Variants in NFYC observed in about 807,000 individuals in gnomAD.
The protein encoded by NFYC is nuclear transcription factor Y subunit gamma.
Under a neutral mutation model 53.1 loss-of-function variants are expected in NFYC, and 25 were observed. The ratio of observed to expected loss-of-function variants is 0.47; its 90% CI spans 0.34 to 0.66. The LOEUF (loss-of-function observed/expected upper bound fraction) is 0.66. NFYC is among the 30% of genes least tolerant of loss of function. NFYC has a pLI of 0.01. For synonymous variants in NFYC, 145 were observed against 152.6 expected (o/e 0.95, Z 0.37); for missense variants, 260 against 422.7 (o/e 0.62, Z 3.38).
At chr1:40,753,322 T>C in intron 5 of NFYC, 76 bp downstream of exon 5, 1 of 958,834 alleles carries the variant, frequency 1.0e-6, no homozygotes, top group African/African-American at 1.6e-5. Context: ...GCTCCTTCTC[T>C]CTCAGCACAA....
intron 1 of NFYC, among the ~76,000 whole-genome samples, chr1:40,734,069 C>G (rs1158827116): frequency 6.6e-6 from 1 of 152,082 alleles, no homozygotes; most frequent in African/African-American, 2.4e-5. Context: ...TTTTTAGAGA[C>G]AGAGTCTCAC....
chr1:40,761,793 A>G (rs1646558941), intron 6 of NFYC, among the ~76,000 whole-genome samples: 1 of 152,220 alleles, frequency 6.6e-6, no homozygotes, highest in Non-Finnish European at 1.5e-5. Flanking sequence ...GTTGAAGTTT[A>G]TGATTCATTG....
intron 5 of NFYC, 111 bp downstream of exon 5, chr1:40,753,357 T>C: frequency 1.4e-6 from 1 of 700,684 alleles, no homozygotes; most frequent in South Asian, 1.8e-5. Flanking sequence ...CTTTTGCTTC[T>C]CGTTTCTAGA....
intron 6 of NFYC, among the ~76,000 whole-genome samples, chr1:40,760,792 A>T (rs1474437615): frequency 1.3e-5 from 2 of 152,142 alleles, no homozygotes; most frequent in Non-Finnish European, 1.5e-5. Flanking sequence ...ACAAAAATGT[A>T]TTGAGTGCTT....
chr1:40,709,372 G>C (rs1231269691), intron 1 of NFYC: 3 of 152,216 alleles, frequency 2.0e-5, no homozygotes, highest in Admixed American at 2.0e-4. Context: ...CTTCATTGGA[G>C]CCTCGGAGTT....
At chr1:40,711,422 T>C (rs1001633686) in intron 1 of NFYC, among the ~76,000 whole-genome samples, 2 of 152,230 alleles carry the variant, frequency 1.3e-5, no homozygotes, top group African/African-American at 4.8e-5. Flanking sequence ...TTGTAGGTGC[T>C]GACTTGACCC....
In NFYC at chr1:40,749,560, G is replaced by C; in HGVS notation, c.178-13G>C. The stretch of plus-strand genomic sequence containing the variant: ...TGCTGGTGATTGACAGGGAGGGCCT[G>C]TGTCTGTTACAGATGATCAGTGCAG... On this transcript the variant is annotated splice_polypyrimidine_tract_variant and intron_variant, in intron 3 of 9. Transcript: ENST00000447388. 1.9e-6 allele frequency: 3 copies of C among 1,606,414 alleles called. No individual in the cohort carries two copies. Among genetic ancestry groups the C allele is most frequent in the Non-Finnish European group, 2.6e-6 (3 of 1,172,996 alleles).
At chr1:40,736,416 G>A (rs977088930) in intron 1 of NFYC, among the ~76,000 whole-genome samples, 2 of 152,196 alleles carry the variant, frequency 1.3e-5, no homozygotes, top group African/African-American at 4.8e-5. Flanking sequence ...TGCCCAGTAT[G>A]TATCCACATG....
At chr1:40,746,372 A>T (rs1444640996) in intron 2 of NFYC, among the ~76,000 whole-genome samples, 1 of 152,256 alleles carries the variant, frequency 6.6e-6, no homozygotes, top group Non-Finnish European at 1.5e-5. Context: ...ATCATAAAAT[A>T]GGTTCTGGGA....
At chr1:40,716,499 G>A (rs1341744901) in intron 1 of NFYC, among the ~76,000 whole-genome samples, 1 of 152,180 alleles carries the variant, frequency 6.6e-6, no homozygotes, top group Non-Finnish European at 1.5e-5. Context: ...TGGGTCAGAT[G>A]TTGAAGGGCC....
intron 1 of NFYC, among the ~76,000 whole-genome samples, chr1:40,708,235 G>A (rs1477388615): frequency 6.6e-6 from 1 of 152,228 alleles, no homozygotes; most frequent in East Asian, 1.9e-4. Context: ...GATTGCTTGA[G>A]CCCAGGAGTT....
intron 1 of NFYC, among the ~76,000 whole-genome samples, chr1:40,725,972 A>G (rs189814288): frequency 3.7e-4 from 56 of 152,348 alleles, no homozygotes; most frequent in African/African-American, 1.3e-3. Context: ...TAAAAATGCA[A>G]ATTATCATCT....
chr1:40,766,812 A>G, intron 8 of NFYC, 109 bp downstream of exon 8: 21 of 1,488,772 alleles, frequency 1.4e-5, no homozygotes, highest in Non-Finnish European at 1.9e-5. Context: ...TCCTTCAACC[A>G]GAAGCACCAC....
intron 1 of NFYC, among the ~76,000 whole-genome samples, chr1:40,703,465 C>T (rs912417799): frequency 1.5e-5 from 2 of 136,190 alleles, no homozygotes; most frequent in African/African-American, 5.5e-5. Context: ...GTACTCCAGC[C>T]TGGGCAATTA....
intron 1 of NFYC, among the ~76,000 whole-genome samples, chr1:40,737,585 T>C (rs934024242): frequency 6.6e-6 from 1 of 152,116 alleles, no homozygotes; most frequent in Non-Finnish European, 1.5e-5. Flanking sequence ...TGCCTCGGCT[T>C]CCCAGAGTGT....
intron 1 of NFYC, among the ~76,000 whole-genome samples, chr1:40,725,136 A>C (rs1307407301): frequency 6.6e-6 from 1 of 152,242 alleles, no homozygotes; most frequent in Non-Finnish European, 1.5e-5. Context: ...GGTTTCAGGC[A>C]CTAAACGTAG....
At chr1:40,730,195 C>CTTTTTT (rs34045698) in intron 1 of NFYC, among the ~76,000 whole-genome samples, 57 of 101,942 alleles carry the variant, frequency 5.6e-4, no homozygotes, top group Non-Finnish European at 8.1e-4. Flanking sequence ...TCTTTCTTTT[C>CTTTTTT]TTTTTTTTTT....
At chr1:40,758,514 A>G (rs1370404319) in intron 6 of NFYC, 5 of 506,686 alleles carry the variant, frequency 9.9e-6, no homozygotes, top group Middle Eastern at 5.0e-4. Flanking sequence ...AGGAAAGTGT[A>G]CTAGACAGTA....
At chr1:40,741,685 C>T (rs918238558) in intron 2 of NFYC, among the ~76,000 whole-genome samples, 3 of 150,608 alleles carry the variant, frequency 2.0e-5, no homozygotes, top group Non-Finnish European at 4.4e-5. Context: ...TCACTGCAGC[C>T]TCGACCTCTC....
Sources: allele counts gnomAD v4.1 joint callset (sites outside exome capture counted in the v4.1 genomes callset), GRCh38; gene constraint gnomAD v4.1.1; transcripts MANE v1.5; gene names NCBI Gene and HGNC (gene_info 2026-07-23, HGNC 2026-07-21).